Variants in CPQ observed in about 807,000 individuals in gnomAD.
The protein encoded by CPQ is carboxypeptidase Q.
Under a neutral mutation model 45.7 loss-of-function variants are expected in CPQ, and 37 were observed. That is an observed-to-expected ratio of 0.81 (90% CI 0.62 to 1.07). The LOEUF is 1.07. Among genes scored for constraint, CPQ ranks in the 50% least tolerant of loss-of-function variants. CPQ has a pLI of 0.00. For missense variants in CPQ, 537 were observed against 572.9 expected (o/e 0.94, Z 0.64); for synonymous variants, 186 against 205.8 (o/e 0.90, Z 0.82).
At chr8:96,662,887 C>G (rs1808850855) in intron 1 of CPQ, among the ~76,000 whole-genome samples, 1 of 152,102 alleles carries the variant, frequency 6.6e-6, no homozygotes, top group African/African-American at 2.4e-5. Context: ...ACTTGAGAGG[C>G]TGAGGCGGCA....
chr8:97,082,856 A>G (rs1019910309), intron 7 of CPQ, among the ~76,000 whole-genome samples: 1 of 152,130 alleles, frequency 6.6e-6, no homozygotes, highest in Non-Finnish European at 1.5e-5. Flanking sequence ...TATTTATGTA[A>G]GTGTTATTTA....
chr8:96,721,271 C>A (rs1401998064), intron 1 of CPQ, among the ~76,000 whole-genome samples: 1 of 151,872 alleles, frequency 6.6e-6, no homozygotes, highest in Non-Finnish European at 1.5e-5. Flanking sequence ...CTCTAGCTCA[C>A]TTTACTGTGG....
At chr8:97,121,294 C>T (rs1811698000) in intron 7 of CPQ, among the ~76,000 whole-genome samples, 1 of 152,148 alleles carries the variant, frequency 6.6e-6, no homozygotes, top group African/African-American at 2.4e-5. Context: ...AAAAGGAAAA[C>T]TGGACAAAAT....
At chr8:96,824,234 T>C (rs1335476400) in intron 2 of CPQ, among the ~76,000 whole-genome samples, 1 of 152,060 alleles carries the variant, frequency 6.6e-6, no homozygotes, top group Non-Finnish European at 1.5e-5. Context: ...ATTTTAGATG[T>C]ACTACCAACC....
intron 3 of CPQ, among the ~76,000 whole-genome samples, chr8:96,856,248 T>C (rs1054710197): frequency 1.3e-5 from 2 of 152,124 alleles, no homozygotes; most frequent in African/African-American, 2.4e-5. Context: ...AGTACAGACA[T>C]GTAGGAGGCT....
At chr8:96,669,361 A>T (rs1365069424) in intron 1 of CPQ, among the ~76,000 whole-genome samples, 1 of 152,178 alleles carries the variant, frequency 6.6e-6, no homozygotes, top group East Asian at 1.9e-4. Context: ...TTCACTCAGA[A>T]TGTATGAGGA....
chr8:96,801,303 A>G (rs903533097), intron 2 of CPQ, among the ~76,000 whole-genome samples: 29 of 151,932 alleles, frequency 1.9e-4, no homozygotes, highest in African/African-American at 6.8e-4. Flanking sequence ...ACAAAAATCC[A>G]CTCACCTGTG....
intron 3 of CPQ, among the ~76,000 whole-genome samples, chr8:96,875,515 A>G (rs1429816203): frequency 2.0e-5 from 3 of 151,898 alleles, no homozygotes; most frequent in Non-Finnish European, 1.5e-5. Context: ...TTGCATGTGG[A>G]TATCTGGTTT....
intron 5 of CPQ, among the ~76,000 whole-genome samples, chr8:96,994,828 A>G (rs1169030062): frequency 6.6e-6 from 1 of 152,044 alleles, no homozygotes; most frequent in Non-Finnish European, 1.5e-5. Context: ...CGACCTATTA[A>G]TAACATGATA....
At chr8:96,892,210 T>C (rs1812385460) in intron 4 of CPQ, among the ~76,000 whole-genome samples, 1 of 152,226 alleles carries the variant, frequency 6.6e-6, no homozygotes. Flanking sequence ...AGCTTTAGCA[T>C]TGATGCTGTC....
chr8:96,936,306 A>G (rs1813049213), intron 4 of CPQ, among the ~76,000 whole-genome samples: 1 of 152,170 alleles, frequency 6.6e-6, no homozygotes, highest in Non-Finnish European at 1.5e-5. Flanking sequence ...CATCTTTTAG[A>G]AATTGTTTTC....
intron 1 of CPQ, among the ~76,000 whole-genome samples, chr8:96,694,740 T>A (rs570035265): frequency 1.4e-3 from 215 of 151,942 alleles, no homozygotes; most frequent in Non-Finnish European, 2.6e-3. Flanking sequence ...AAACACAACA[T>A]ACCAAAACCT....
intron 7 of CPQ, among the ~76,000 whole-genome samples, chr8:97,107,152 C>G (rs1811418216): frequency 6.6e-6 from 1 of 151,908 alleles, no homozygotes; most frequent in Admixed American, 6.6e-5. Flanking sequence ...GGATCCAGGC[C>G]AAAATGGAGG....
At chr8:96,652,727 G>A (rs2130704737) in intron 1 of CPQ, among the ~76,000 whole-genome samples, 1 of 152,272 alleles carries the variant, frequency 6.6e-6, no homozygotes, top group East Asian at 1.9e-4. Context: ...CCGCCTCCCG[G>A]GTTCACGCCA....
intron 4 of CPQ, among the ~76,000 whole-genome samples, chr8:96,960,926 A>C (rs1214276036): frequency 6.6e-6 from 1 of 152,116 alleles, no homozygotes; most frequent in African/African-American, 2.4e-5. Context: ...AGTCCATTGT[A>C]TGACTATTCC....
chr8:96,936,035 G>T (rs1405707596), intron 4 of CPQ, among the ~76,000 whole-genome samples: 1 of 151,898 alleles, frequency 6.6e-6, no homozygotes. Flanking sequence ...CATCAGATAG[G>T]AAATTATAAT....
rs942869979 is a variant in CPQ, at chr8:96,932,682, ATG to A, written c.850-33250_850-33249del. Among the ~76,000 whole-genome samples the A allele has an allele frequency of 1.2e-4, 19 of 152,272 alleles. 1 individual carries two copies. Among genetic ancestry groups the A allele is most frequent in the Admixed American group, 8.5e-4 (13 of 15,292 alleles). On this transcript the variant is annotated intron_variant, in intron 4 of 7. Coordinates refer to ENST00000220763, the MANE Select transcript of CPQ (RefSeq NM_016134.4). ...TGTCTTTCAAAAGATGTGCTACATT[ATG>A]TGATGAATTAATTGTCTGTGCTTTG... is the stretch of plus-strand genomic sequence containing the variant.
intron 2 of CPQ, among the ~76,000 whole-genome samples, chr8:96,830,492 G>A (rs1391861741): frequency 6.6e-6 from 1 of 152,012 alleles, no homozygotes; most frequent in Non-Finnish European, 1.5e-5. Context: ...TAAAAAAATT[G>A]ATCGGTTTTG....
intron 6 of CPQ, among the ~76,000 whole-genome samples, chr8:97,049,439 G>A (rs1457901692): frequency 6.6e-6 from 1 of 152,190 alleles, no homozygotes; most frequent in Non-Finnish European, 1.5e-5. Flanking sequence ...ATGAATTGCA[G>A]TGAAATAAAC....
Sources: allele counts gnomAD v4.1 joint callset (sites outside exome capture counted in the v4.1 genomes callset), GRCh38; gene constraint gnomAD v4.1.1; transcripts MANE v1.5; gene names NCBI Gene and HGNC (gene_info 2026-07-23, HGNC 2026-07-21).